MEPE: variants seen among roughly 807,000 people sequenced by gnomAD.
MEPE encodes the protein matrix extracellular phosphoglycoprotein.
A neutral mutation model predicts 7.3 loss-of-function variants in MEPE; 7 were observed. That is an observed-to-expected ratio of 0.95 (90% CI 0.54 to 1.79). The LOEUF is 1.79. MEPE is among the 40% of genes most tolerant of loss of function. The pLI, the probability that MEPE is intolerant of heterozygous loss-of-function variation, is 0.00. For synonymous variants in MEPE, 214 were observed against 213.1 expected (o/e 1.00, Z -0.04); for missense variants, 623 against 628.2 (o/e 0.99, Z 0.09).
chr4:87,834,053 G>A (rs1722685458), intron 1 of MEPE, among the ~76,000 whole-genome samples: 2 of 152,156 alleles, frequency 1.3e-5, no homozygotes, highest in Non-Finnish European at 1.5e-5. Flanking sequence ...GCATAGTAAC[G>A]CCGCCTAACT....
At chr4:87,839,709 A>C in intron 3 of MEPE, 1 of 1,550,166 alleles carries the variant, frequency 6.5e-7, no homozygotes, top group Non-Finnish European at 8.7e-7. Flanking sequence ...TCACTATGAG[A>C]AACATGGGCA....
At chr4:87,834,362 A>G (rs1722700625) in intron 1 of MEPE, among the ~76,000 whole-genome samples, 1 of 152,208 alleles carries the variant, frequency 6.6e-6, no homozygotes, top group African/African-American at 2.4e-5. Flanking sequence ...GAATTACACA[A>G]ATAATTAAAC....
At chr4:87,838,181 TAC>T (rs1722871386) in intron 2 of MEPE, among the ~76,000 whole-genome samples, 1 of 152,190 alleles carries the variant, frequency 6.6e-6, no homozygotes, top group African/African-American at 2.4e-5. Flanking sequence ...AATTCAATAT[TAC>T]AGTTACTCAA....
chr4:87,845,297 C>A lies in MEPE; in HGVS notation c.429C>A (p.Gly143=), dbSNP rs145299039. ...ISKLHDQEEY[G]AALIRNNMQH... is the part of the protein sequence containing the mutation. ...AACTACATGACCAAGAAGAATATGG[C>A]GCAGCTCTCATCAGAAATAACATGC... Residue 143 remains glycine (G), a synonymous_variant, in exon 4 of 4, where the codon GGC becomes GGA. Transcript: ENST00000361056. The A allele has an allele frequency of 1.2e-6, 2 of 1,613,880 alleles. No individual in the cohort carries two copies. Among genetic ancestry groups the A allele is most frequent in the Non-Finnish European group, 1.7e-6 (2 of 1,179,936 alleles).
chr4:87,838,121 T>C (rs1367480376), intron 2 of MEPE, among the ~76,000 whole-genome samples: 1 of 152,192 alleles, frequency 6.6e-6, no homozygotes, highest in Non-Finnish European at 1.5e-5. Context: ...ACCATTCACA[T>C]GAACGGCTAT....
Position 87,845,621 on chromosome 4 carries a change from T to C in MEPE, c.753T>C (p.Asp251=). The C allele has an allele frequency of 6.2e-7, 1 of 1,613,866 alleles. No individual in the cohort carries two copies. The highest frequency in any genetic ancestry group is 8.5e-7 in the Non-Finnish European group (1 of 1,179,916). Residue 251 remains aspartate (D), a synonymous_variant, in exon 4 of 4, where the codon GAT becomes GAC. Transcript: ENST00000361056. ...YTDLQERGDN[D]ISPFSGDGQP... Reference sequence around the variant, plus strand: ...ATCTTCAAGAGAGAGGGGACAATGATATATCTCCTTTCAGTGGGGACGGCC... The same window carrying C: ...ATCTTCAAGAGAGAGGGGACAATGACATATCTCCTTTCAGTGGGGACGGCC...
intron 2 of MEPE, among the ~76,000 whole-genome samples, chr4:87,837,408 G>A (rs1184974249): frequency 6.6e-6 from 1 of 152,170 alleles, no homozygotes; most frequent in African/African-American, 2.4e-5. Flanking sequence ...AACACAGAGG[G>A]CAAATGAGCT....
At chr4:87,841,455 C>T (rs532698478) in intron 3 of MEPE, among the ~76,000 whole-genome samples, 2 of 151,896 alleles carry the variant, frequency 1.3e-5, no homozygotes, top group East Asian at 1.9e-4. Context: ...AATTAATGAA[C>T]AATAATGCCA....
At chr4:87,841,561 AG>A (rs1723014237) in intron 3 of MEPE, among the ~76,000 whole-genome samples, 1 of 152,196 alleles carries the variant, frequency 6.6e-6, no homozygotes, top group Non-Finnish European at 1.5e-5. Flanking sequence ...TTAAAAGTAG[AG>A]GGCACTTCTA....
chr4:87,839,362 C>A (rs1283609702), intron 3 of MEPE, among the ~76,000 whole-genome samples: 1 of 152,168 alleles, frequency 6.6e-6, no homozygotes, highest in African/African-American at 2.4e-5. Context: ...GGTCCTCTCA[C>A]CCCCTCCCAC....
chr4:87,844,064 G>A (rs1346438122), intron 3 of MEPE, among the ~76,000 whole-genome samples: 1 of 152,080 alleles, frequency 6.6e-6, no homozygotes, highest in South Asian at 2.1e-4. Context: ...ACTTCTCCCT[G>A]TTTGAGTATG....
chr4:87,842,668 G>A (rs1398862044), intron 3 of MEPE, among the ~76,000 whole-genome samples: 2 of 152,126 alleles, frequency 1.3e-5, no homozygotes, highest in Non-Finnish European at 2.9e-5. Flanking sequence ...CAGCGAGTTC[G>A]AAGGAACACT....
rs750770333 is a variant in MEPE, at chr4:87,846,469, G to C, written c.*23G>C. On this transcript the variant is annotated 3_prime_UTR_variant, in exon 4 of 4. Coordinates refer to ENST00000361056, the MANE Select transcript of MEPE (RefSeq NM_020203.6). ...TAGTCCACCAGGAGTTCCCAGCGGG[G>C]TGACAGTCTGAAGACCTCGTCACCT... 30 of 1,596,570 alleles carry C rather than the reference G, an allele frequency of 1.9e-5. No individual in the cohort carries two copies. The highest frequency in any genetic ancestry group is 4.5e-5 in the East Asian group (2 of 44,776).
At chr4:87,834,447 T>C (rs996928227) in intron 1 of MEPE, among the ~76,000 whole-genome samples, 16 of 152,226 alleles carry the variant, frequency 1.1e-4, no homozygotes, top group African/African-American at 3.9e-4. Context: ...TATATTTCTA[T>C]CAACTGACTT....
chr4:87,826,397 T>C (rs1482477707), intron 1 of MEPE, among the ~76,000 whole-genome samples: 1 of 151,728 alleles, frequency 6.6e-6, no homozygotes, highest in African/African-American at 2.4e-5. Context: ...TTTTTGTTTT[T>C]GTTTTTTGTT....
intron 1 of MEPE, among the ~76,000 whole-genome samples, chr4:87,826,224 CTT>C (rs35526382): frequency 2.8e-4 from 40 of 144,246 alleles, no homozygotes; most frequent in East Asian, 6.1e-4. Context: ...TCTTTATATT[CTT>C]TTTTTTTTTT....
Position 87,846,342 on chromosome 4 carries a change from T to C in MEPE, c.1474T>C (p.Trp492Arg). The C allele has an allele frequency of 6.2e-7, 1 of 1,614,122 alleles. No individual in the cohort carries two copies. The highest frequency in any genetic ancestry group is 8.5e-7 in the Non-Finnish European group (1 of 1,179,964). Residue 492 changes from tryptophan to arginine, a missense_variant, in exon 4 of 4, where the codon TGG becomes CGG. Physicochemically the swap from Trp to Arg is moderately radical, Grantham distance 101. Coordinates refer to ENST00000361056, the MANE Select transcript of MEPE (RefSeq NM_020203.6). ...GGGTATGCCACAAGGGAAAGGCTCC[T>C]GGGGTAGACAACCCCATTCCAACAG... ...NKGMPQGKGS[W>R]GRQPHSNRRF...
At chr4:87,842,115 A>G (rs997390201) in intron 3 of MEPE, among the ~76,000 whole-genome samples, 2 of 152,226 alleles carry the variant, frequency 1.3e-5, no homozygotes, top group Non-Finnish European at 2.9e-5. Context: ...CATAAACGGC[A>G]GTGAGACAAC....
At chr4:87,826,816 C>G (rs981851708) in intron 1 of MEPE, among the ~76,000 whole-genome samples, 5 of 152,066 alleles carry the variant, frequency 3.3e-5, no homozygotes, top group Admixed American at 6.5e-5. Flanking sequence ...TAATTATGTT[C>G]TTTCCCCACT....
Sources: allele counts gnomAD v4.1 joint callset (sites outside exome capture counted in the v4.1 genomes callset), GRCh38; gene constraint gnomAD v4.1.1; transcripts MANE v1.5; gene names NCBI Gene and HGNC (gene_info 2026-07-23, HGNC 2026-07-21).